The following STK32C variants were observed in gnomAD, a reference collection of about 807,000 sequenced individuals.
STK32C encodes serine/threonine-protein kinase 32C.
Under a neutral mutation model 56.5 loss-of-function variants are expected in STK32C, and 31 were observed. That is an observed-to-expected ratio of 0.55 (90% CI 0.41 to 0.74). The LOEUF (loss-of-function observed/expected upper bound fraction) is 0.74. STK32C is among the 30% of genes least tolerant of loss of function. STK32C has a pLI of 0.00. For missense variants in STK32C, 544 were observed against 676.9 expected (o/e 0.80, Z 2.18); for synonymous variants, 309 against 289.4 (o/e 1.07, Z -0.69).
downstream of STK32C, among the ~76,000 whole-genome samples, chr10:132,322,389 C>T (rs528112462): frequency 6.4e-4 from 98 of 152,162 alleles, no homozygotes; most frequent in Non-Finnish European, 1.2e-3. Context: ...ACTTAATTTT[C>T]TTTATGGTAT....
upstream of STK32C, among the ~76,000 whole-genome samples, chr10:132,308,743 T>G (rs2066161486): frequency 6.6e-6 from 1 of 152,148 alleles, no homozygotes; most frequent in Non-Finnish European, 1.5e-5. Context: ...CTTGTCCAGA[T>G]GCGACAGGGG....
intron 1 of STK32C, among the ~76,000 whole-genome samples, chr10:132,314,592 T>G (rs939062825): frequency 4.6e-5 from 7 of 152,214 alleles, no homozygotes; most frequent in African/African-American, 7.2e-5. Flanking sequence ...CTAATATGTA[T>G]ATGCTGATTC....
rs926386944 is a variant in STK32C at position 132,307,419 on chromosome 10, C to A, written c.262+153G>T. 6.6e-6 allele frequency among the ~76,000 whole-genome samples: 1 copy of A among 151,898 alleles called. No individual in the cohort carries two copies. Among genetic ancestry groups the A allele is most frequent in the Non-Finnish European group, 1.5e-5 (1 of 67,924 alleles). On this transcript the variant is annotated intron_variant, in intron 1 of 11. Transcript: ENST00000298630. The surrounding 1 kb of genome is among the most constrained non-coding windows in gnomAD (Gnocchi z 4.4). Reference sequence around the variant, plus strand: ...GCGGGCGCCCAGAACTCGCGTGGGGCCGCAGCCACCCGGCGCGAGCTTCTC... The same window carrying A: ...GCGGGCGCCCAGAACTCGCGTGGGGACGCAGCCACCCGGCGCGAGCTTCTC...
At chr10:132,282,251 T>C (rs2138240860) in intron 1 of STK32C, among the ~76,000 whole-genome samples, 1 of 152,336 alleles carries the variant, frequency 6.6e-6, no homozygotes, top group East Asian at 1.9e-4. Context: ...ACCCCGGCTC[T>C]CACAGCGCCC....
At chr10:132,288,032 G>A (rs922002888) in intron 1 of STK32C, among the ~76,000 whole-genome samples, 5 of 151,934 alleles carry the variant, frequency 3.3e-5, no homozygotes, top group African/African-American at 1.2e-4. Context: ...ATAATGTTCA[G>A]GAATAAACCC....
rs1334717753 is a variant in STK32C at position 132,307,845 on chromosome 10, G to C, written c.-12C>G. 8.8e-7 allele frequency: 1 copy of C among 1,141,260 alleles called. No homozygotes were observed. The highest frequency in any genetic ancestry group is 1.7e-5 in the African/African-American group (1 of 58,138). The allele number at this position is 1,141,260 out of a possible 1,614,324, so 70.7% of individuals were successfully genotyped here. A position where few individuals can be genotyped will look rare whatever the true frequency, so the allele number is the denominator to read the frequency against. Reference sequence around the variant, plus strand: ...GCGCCACTCCTCATCGCCGGGTCTGGGTGCGCGCGGCAGCCGGAACTCGGG... The same window carrying C: ...GCGCCACTCCTCATCGCCGGGTCTGCGTGCGCGCGGCAGCCGGAACTCGGG... On this transcript the variant is annotated 5_prime_UTR_variant, in exon 1 of 12. Coordinates refer to ENST00000298630, the MANE Select transcript of STK32C (RefSeq NM_173575.4). The surrounding 1 kb of genome is among the most constrained non-coding windows in gnomAD (Gnocchi z 4.4).
intron 1 of STK32C, among the ~76,000 whole-genome samples, chr10:132,274,240 T>C (rs2064930004): frequency 6.6e-6 from 1 of 152,176 alleles, no homozygotes; most frequent in Admixed American, 6.5e-5. Context: ...TCCTAGGGCC[T>C]GGGGAGCAGC....
intron 1 of STK32C, among the ~76,000 whole-genome samples, chr10:132,281,186 C>CAA (rs888618641): frequency 1.1e-5 from 1 of 91,454 alleles, no homozygotes; most frequent in African/African-American, 3.3e-5. Flanking sequence ...TGGACACACA[C>CAA]ACACACACAC....
At chr10:132,318,141 G>A (rs569716353) in intron 1 of STK32C, among the ~76,000 whole-genome samples, 2 of 151,830 alleles carry the variant, frequency 1.3e-5, no homozygotes, top group Non-Finnish European at 2.9e-5. Context: ...GGTGGCAGGC[G>A]CCTGTAGTCC....
At chr10:132,316,196 T>C (rs996605899) in intron 1 of STK32C, among the ~76,000 whole-genome samples, 15 of 151,938 alleles carry the variant, frequency 9.9e-5, no homozygotes, top group Admixed American at 5.2e-4. Context: ...AAAAAGAAAA[T>C]AAATTGTAAA....
rs2062802491 is a variant in STK32C, at chr10:132,224,441, G to A, written c.959C>T (p.Thr320Met). 8 of 1,559,208 alleles carry A rather than the reference G, an allele frequency of 5.1e-6. No individual in the cohort carries two copies. Among genetic ancestry groups the A allele is most frequent in the South Asian group, 1.2e-5 (1 of 84,506 alleles). ...FSTVSVQYVPTWSKEMVALLR... is the reference protein window; with the variant it reads ...FSTVSVQYVPMWSKEMVALLR... ...CAAGGCCACCATCTCCTTGGACCAC[G>A]TGGGGACATACTGGACGCTCACGGT... Residue 320 changes from threonine to methionine, a missense_variant, in exon 8 of 12, where the codon ACG becomes ATG. By Grantham distance (81) the Thr-to-Met change is moderately conservative. Transcript: ENST00000298630.
chr10:132,325,857 G>C (rs1042964192), intron 1 of STK32C, among the ~76,000 whole-genome samples: 1 of 151,758 alleles, frequency 6.6e-6, no homozygotes, highest in Non-Finnish European at 1.5e-5. Context: ...GAGTAGCTGG[G>C]ACTATCGGAG....
intron 2 of STK32C, among the ~76,000 whole-genome samples, chr10:132,229,111 C>A (rs1044758375): frequency 1.7e-4 from 26 of 152,210 alleles, no homozygotes; most frequent in African/African-American, 5.1e-4. Context: ...ATGAAGATCC[C>A]CAAAGGGAAG....
intron 1 of STK32C, among the ~76,000 whole-genome samples, chr10:132,289,862 G>T (rs919497925): frequency 6.6e-5 from 10 of 152,118 alleles, no homozygotes; most frequent in African/African-American, 2.4e-4. Flanking sequence ...ATGTGGGTGG[G>T]GACACAAACA....
chr10:132,225,884 A>C, intron 4 of STK32C, 100 bp from the exon 5 acceptor site: 1 of 1,491,112 alleles, frequency 6.7e-7, no homozygotes, highest in Non-Finnish European at 9.2e-7. Context: ...CATCCCACCA[A>C]CCCACTCGAG....
intron 10 of STK32C, among the ~76,000 whole-genome samples, chr10:132,210,089 A>ACC (rs554064792): frequency 1.3e-5 from 2 of 151,820 alleles, no homozygotes; most frequent in East Asian, 1.9e-4. Context: ...TTACGGGACC[A>ACC]CCCCCCCATG....
At chr10:132,275,287 T>TG (rs2064962159) in intron 1 of STK32C, among the ~76,000 whole-genome samples, 1 of 151,868 alleles carries the variant, frequency 6.6e-6, no homozygotes, top group Non-Finnish European at 1.5e-5. Flanking sequence ...CTGGTGGGGG[T>TG]GGGTGCTGGG....
In STK32C at chr10:132,307,932, G is replaced by T. The variant is rs1346784449; in HGVS notation, c.-99C>A. The T allele has an allele frequency of 7.5e-6, 8 of 1,070,072 alleles. No individual in the cohort carries two copies. Among genetic ancestry groups the T allele is most frequent in the Admixed American group, 1.2e-4 (2 of 16,862 alleles). The allele number at this position is 1,070,072 out of a possible 1,614,324, so 66.3% of individuals were successfully genotyped here. A position where few individuals can be genotyped will look rare whatever the true frequency, so the allele number is the denominator to read the frequency against. On this transcript the variant is annotated 5_prime_UTR_variant, in exon 1 of 12. Transcript: ENST00000298630. The surrounding 1 kb of genome is among the most constrained non-coding windows in gnomAD (Gnocchi z 4.4). The stretch of plus-strand genomic sequence containing the variant: ...AGCGGGAGCGCTCGGGGCCGGCAGC[G>T]CCCGCCGTGCGCTCTTCTGGGCGGT...
At chr10:132,252,063 C>A (rs566172276) in intron 1 of STK32C, among the ~76,000 whole-genome samples, 1 of 152,390 alleles carries the variant, frequency 6.6e-6, no homozygotes, top group South Asian at 2.1e-4. Flanking sequence ...ACATCCCCAT[C>A]TCATCCTGCT....
Sources: allele counts gnomAD v4.1 joint callset (sites outside exome capture counted in the v4.1 genomes callset), GRCh38; gene constraint gnomAD v4.1.1; non-coding constraint Gnocchi (gnomAD v3.1); transcripts MANE v1.5; gene names NCBI Gene and HGNC (gene_info 2026-07-23, HGNC 2026-07-21).